PDGFD: variants seen among roughly 807,000 people sequenced by gnomAD.
PDGFD encodes the protein platelet derived growth factor D, also known as platelet-derived growth factor D.
Under a neutral mutation model 44.7 loss-of-function variants are expected in PDGFD, and 30 were observed. That is an observed-to-expected ratio of 0.67 (90% confidence interval 0.50 to 0.91). PDGFD has a LOEUF of 0.91. PDGFD is among the 40% of genes least tolerant of loss of function. The pLI is 0.00. For synonymous variants in PDGFD, 173 were observed against 168.4 expected (o/e 1.03, Z -0.21); for missense variants, 445 against 457.8 (o/e 0.97, Z 0.25).
chr11:104,095,291 T>C (rs1861268166), intron 1 of PDGFD, among the ~76,000 whole-genome samples: 1 of 152,164 alleles, frequency 6.6e-6, no homozygotes, highest in South Asian at 2.1e-4. Context: ...TGACGTTTTT[T>C]TTTCAATACT....
intron 6 of PDGFD, among the ~76,000 whole-genome samples, chr11:103,918,616 T>C (rs1858162086): frequency 6.6e-6 from 1 of 152,170 alleles, no homozygotes; most frequent in Non-Finnish European, 1.5e-5. Flanking sequence ...CTGTGTTTTA[T>C]ATTAAGCAAC....
At chr11:103,991,489 T>C (rs509737) in intron 3 of PDGFD, among the ~76,000 whole-genome samples, 2,253 of 152,274 alleles carry the variant, frequency 0.015, 61 homozygotes, top group African/African-American at 0.051. Context: ...TATGACAAAA[T>C]AGGTTTTTTA....
chr11:104,075,969 A>T (rs745641552), intron 1 of PDGFD, among the ~76,000 whole-genome samples: 57 of 152,328 alleles, frequency 3.7e-4, no homozygotes, highest in Non-Finnish European at 5.7e-4. Flanking sequence ...CTTGAATTGT[A>T]ATACCCATGA....
At chr11:103,969,445 A>AG (rs1727277305) in intron 3 of PDGFD, among the ~76,000 whole-genome samples, 1 of 144,606 alleles carries the variant, frequency 6.9e-6, no homozygotes, top group Non-Finnish European at 1.5e-5. Flanking sequence ...GAAAGAGAGA[A>AG]GTTACTATTT....
chr11:104,054,998 C>T (rs956015433), intron 1 of PDGFD, among the ~76,000 whole-genome samples: 2 of 152,184 alleles, frequency 1.3e-5, no homozygotes, highest in Non-Finnish European at 2.9e-5. Context: ...ATGCAAGTAG[C>T]ATCTGGCATA....
At chr11:103,958,977 A>T (rs912967982) in intron 3 of PDGFD, among the ~76,000 whole-genome samples, 1 of 152,210 alleles carries the variant, frequency 6.6e-6, no homozygotes, top group Non-Finnish European at 1.5e-5. Flanking sequence ...GAAGTCTAAA[A>T]GCCAAAGCCA....
At chr11:104,051,533 T>A (rs1860537020) in intron 1 of PDGFD, among the ~76,000 whole-genome samples, 1 of 152,022 alleles carries the variant, frequency 6.6e-6, no homozygotes, top group African/African-American at 2.4e-5. Context: ...TACTTAAATA[T>A]AAATGAATAC....
At chr11:104,010,888 A>C (rs1437946961) in intron 1 of PDGFD, among the ~76,000 whole-genome samples, 2 of 152,112 alleles carry the variant, frequency 1.3e-5, no homozygotes, top group Non-Finnish European at 2.9e-5. Context: ...TCCTTTCCAT[A>C]ATACTAACTT....
rs183928756 is a variant in PDGFD at position 104,151,344 on chromosome 11, T to C, written c.124+12460A>G. 1.2e-4 allele frequency among the ~76,000 whole-genome samples: 18 copies of C among 152,294 alleles called. 1 individual carries two copies. The highest frequency in any genetic ancestry group is 9.2e-4 in the Admixed American group (14 of 15,278). ...CACGCATGCAAGCTGGATGCGTAAA[T>C]AGTACAAAGTAGTAAAACAGTTATC... On this transcript the variant is annotated intron_variant, in intron 1 of 6. Transcript: ENST00000393158.
chr11:103,959,607 A>G (rs546629736), intron 3 of PDGFD, among the ~76,000 whole-genome samples: 1 of 152,342 alleles, frequency 6.6e-6, no homozygotes, highest in East Asian at 1.9e-4. Flanking sequence ...ATCTGGGCCC[A>G]TTAGGTGAAC....
chr11:104,082,105 T>C (rs1861052233), intron 1 of PDGFD, among the ~76,000 whole-genome samples: 2 of 130,722 alleles, frequency 1.5e-5, no homozygotes, highest in Admixed American at 1.5e-4. Flanking sequence ...TGAAGTTTAC[T>C]ATATTTTTGT....
intron 1 of PDGFD, among the ~76,000 whole-genome samples, chr11:104,141,438 C>G (rs1317297241): frequency 1.3e-5 from 2 of 151,184 alleles, no homozygotes; most frequent in Non-Finnish European, 2.9e-5. Flanking sequence ...TGCCCTGTCA[C>G]CCAGGCAGGA....
chr11:104,098,379 G>A (rs1359943584), intron 1 of PDGFD, among the ~76,000 whole-genome samples: 2 of 152,108 alleles, frequency 1.3e-5, no homozygotes, highest in Admixed American at 6.6e-5. Flanking sequence ...CAAGGTGTCT[G>A]TGGTAAGGGG....
intron 1 of PDGFD, among the ~76,000 whole-genome samples, chr11:104,126,003 A>G (rs1376234368): frequency 6.6e-6 from 1 of 152,186 alleles, no homozygotes; most frequent in African/African-American, 2.4e-5. Flanking sequence ...TTAAGGTTGC[A>G]GCAATGCAGA....
intron 3 of PDGFD, among the ~76,000 whole-genome samples, chr11:103,960,681 T>C (rs74365490): frequency 0.052 from 7,901 of 152,250 alleles, 226 homozygotes; most frequent in Middle Eastern, 0.061. Context: ...CGAATTATCT[T>C]GTGTCTTAGT....
chr11:104,103,042 AC>A (rs1861417120), intron 1 of PDGFD, among the ~76,000 whole-genome samples: 1 of 152,166 alleles, frequency 6.6e-6, no homozygotes, highest in East Asian at 1.9e-4. Flanking sequence ...ACAAACCTGC[AC>A]GTTGTGCACA....
At chr11:104,134,993 C>T (rs1169804642) in intron 1 of PDGFD, among the ~76,000 whole-genome samples, 1 of 152,198 alleles carries the variant, frequency 6.6e-6, no homozygotes, top group Non-Finnish European at 1.5e-5. Flanking sequence ...TTGTCCAGTG[C>T]CCTGAGGCCA....
intron 1 of PDGFD, among the ~76,000 whole-genome samples, chr11:104,147,985 T>C (rs982855442): frequency 5.3e-5 from 8 of 152,216 alleles, no homozygotes; most frequent in African/African-American, 1.9e-4. Context: ...TCAATGCTGA[T>C]TAAACACAGT....
At chr11:103,933,959 A>G (rs1479828917) in intron 5 of PDGFD, among the ~76,000 whole-genome samples, 1 of 152,326 alleles carries the variant, frequency 6.6e-6, no homozygotes, top group African/African-American at 2.4e-5. Context: ...GGTGATGTAT[A>G]AAGCATATCT....
Sources: allele counts gnomAD v4.1 joint callset (sites outside exome capture counted in the v4.1 genomes callset), GRCh38; gene constraint gnomAD v4.1.1; transcripts MANE v1.5; gene names NCBI Gene and HGNC (gene_info 2026-07-23, HGNC 2026-07-21).